MS4A7: variants seen among roughly 807,000 people sequenced by gnomAD.
MS4A7 encodes the protein membrane-spanning 4-domains subfamily A member 7.
In MS4A7, 21 loss-of-function variants were observed where a neutral mutation model predicts 23.5. That is an observed-to-expected ratio of 0.89 (90% CI 0.63 to 1.29). The LOEUF is 1.29. Among genes scored for constraint, MS4A7 ranks in the 50% most tolerant of loss-of-function variants. MS4A7 has a pLI of 0.00. For synonymous variants in MS4A7, 111 were observed against 107.4 expected (o/e 1.03, Z -0.21); for missense variants, 263 against 274.2 (o/e 0.96, Z 0.29).
rs1428852513 is a variant in MS4A7 at position 60,395,885 on chromosome 11, A to C, written c.*2024A>C. On this transcript the variant is annotated 3_prime_UTR_variant, in exon 7 of 7. Transcript: ENST00000300184. The stretch of plus-strand genomic sequence containing the variant: ...ATATGTATATCAAAACATGTAGTAC[A>C]CCCTAAATATATATAATTTTTATTT... The C allele has an allele frequency of 1.3e-5, 2 of 152,188 alleles. No homozygotes were observed. Among genetic ancestry groups the C allele is most frequent in the Admixed American group, 6.5e-5 (1 of 15,276 alleles). The allele number at this position is 152,188 out of a possible 1,614,324, so 9.4% of individuals were successfully genotyped here. A position where few individuals can be genotyped will look rare whatever the true frequency, so the allele number is the denominator to read the frequency against.
At chr11:60,387,398 T>A (rs1339462337) in intron 4 of MS4A7, among the ~76,000 whole-genome samples, 1 of 152,216 alleles carries the variant, frequency 6.6e-6, no homozygotes, top group Non-Finnish European at 1.5e-5. Context: ...TTTTCAAAGT[T>A]CTACTATTTA....
At chr11:60,392,346 C>T (rs986530362) in intron 5 of MS4A7, among the ~76,000 whole-genome samples, 16 of 151,832 alleles carry the variant, frequency 1.1e-4, no homozygotes, top group Non-Finnish European at 2.9e-5. Context: ...TGCATTGAGA[C>T]CACTGCAGGA....
chr11:60,381,239 G>T (rs1363451198), intron 1 of MS4A7, among the ~76,000 whole-genome samples: 1 of 152,146 alleles, frequency 6.6e-6, no homozygotes, highest in Admixed American at 6.5e-5. Flanking sequence ...TGACTCCACT[G>T]CAGGGATTCA....
intron 5 of MS4A7, among the ~76,000 whole-genome samples, chr11:60,391,320 G>A (rs980972487): frequency 3.9e-5 from 6 of 152,066 alleles, no homozygotes; most frequent in African/African-American, 7.2e-5. Context: ...AAACTGTTAC[G>A]AGATATGTGA....
In MS4A7 at chr11:60,393,972, A is replaced by C; in HGVS notation, c.*111A>C. ...AGATACTGTGAAACAAACTAAAAAA[A>C]AAAAAGCTTTTGTTTTGTATTTGTT... On this transcript the variant is annotated 3_prime_UTR_variant, in exon 7 of 7. Transcript: ENST00000300184. The C allele has an allele frequency of 1.7e-6, 1 of 593,870 alleles. No homozygotes were observed. The highest frequency in any genetic ancestry group is 3.1e-5 in the East Asian group (1 of 32,282). 36.8% of individuals were successfully genotyped at this position (593,870 alleles called of 1,614,324 possible). A position where few individuals can be genotyped will look rare whatever the true frequency, so the allele number is the denominator to read the frequency against.
At chr11:60,385,000 A>T (rs369069165) in intron 2 of MS4A7, 88 bp from the exon 3 acceptor site, 1 of 1,225,872 alleles carries the variant, frequency 8.2e-7, no homozygotes, top group Non-Finnish European at 1.2e-6. Flanking sequence ...AATGTATTTT[A>T]TACTCTTTAT....
rs924356654 is a variant in MS4A7, at chr11:60,394,812, A to T, written c.*951A>T. On this transcript the variant is annotated 3_prime_UTR_variant, in exon 7 of 7. Transcript: ENST00000300184. The stretch of plus-strand genomic sequence containing the variant: ...AACAAAACTCCATCTCAAAATAAAT[A>T]AAAAAATAAATAAAAATAAAAATAG... 4 of 345,800 alleles carry T rather than the reference A, an allele frequency of 1.2e-5. No individual in the cohort carries two copies. Among genetic ancestry groups the T allele is most frequent in the East Asian group, 4.4e-5 (1 of 22,730 alleles). The allele number at this position is 345,800 out of a possible 1,614,324, so 21.4% of individuals were successfully genotyped here. A position where few individuals can be genotyped will look rare whatever the true frequency, so the allele number is the denominator to read the frequency against.
chr11:60,386,940 G>A (rs756921843), intron 4 of MS4A7, among the ~76,000 whole-genome samples, 167 bp downstream of exon 4: 10 of 152,218 alleles, frequency 6.6e-5, no homozygotes, highest in Non-Finnish European at 1.2e-4. Flanking sequence ...CAAGAGTAGA[G>A]CCCAAATTTC....
At chr11:60,391,291 A>G (rs973637884) in intron 5 of MS4A7, among the ~76,000 whole-genome samples, 1 of 152,216 alleles carries the variant, frequency 6.6e-6, no homozygotes, top group African/African-American at 2.4e-5. Flanking sequence ...GGGGACCTCA[A>G]ATAAAAGCAT....
At position 60,389,606 on chromosome 11, in the gene MS4A7, T is replaced by C. The variant is rs1373069985; in HGVS notation, c.546+10T>C. On this transcript the variant is annotated intron_variant, in intron 5 of 6. Transcript: ENST00000300184. Reference sequence around the variant, plus strand: ...CAGTGTCAGTTTAACAGTGAGTAGTTTCAGACTGAATATCCTGTCATGTGA... The same window carrying C: ...CAGTGTCAGTTTAACAGTGAGTAGTCTCAGACTGAATATCCTGTCATGTGA... 1 of 1,606,984 alleles carries C rather than the reference T, an allele frequency of 6.2e-7. No individual in the cohort carries two copies. Among genetic ancestry groups the C allele is most frequent in the Non-Finnish European group, 8.5e-7 (1 of 1,174,410 alleles).
intron 2 of MS4A7, 41 bp from the exon 3 acceptor site, chr11:60,385,047 G>C: frequency 6.3e-7 from 1 of 1,586,450 alleles, no homozygotes; most frequent in South Asian, 1.1e-5. Context: ...ACTTTTATCT[G>C]TTTGAAGTGC....
chr11:60,393,142 T>C (rs367569620), intron 6 of MS4A7, among the ~76,000 whole-genome samples: 4 of 152,054 alleles, frequency 2.6e-5, no homozygotes, highest in African/African-American at 2.4e-5. Flanking sequence ...AGAGTTTGTA[T>C]AAATGGGCTC....
At chr11:60,390,546 C>A (rs1216824472) in intron 5 of MS4A7, among the ~76,000 whole-genome samples, 2 of 152,132 alleles carry the variant, frequency 1.3e-5, no homozygotes, top group Admixed American at 1.3e-4. Context: ...TCAAAAGCAA[C>A]CCCTTTGGTT....
At chr11:60,392,149 A>C (rs1335257470) in intron 5 of MS4A7, among the ~76,000 whole-genome samples, 1 of 152,110 alleles carries the variant, frequency 6.6e-6, no homozygotes, top group Non-Finnish European at 1.5e-5. Flanking sequence ...AACACAACAC[A>C]TTATGTGTGT....
chr11:60,387,552 GA>G (rs1015935909), intron 4 of MS4A7, among the ~76,000 whole-genome samples: 2 of 151,834 alleles, frequency 1.3e-5, no homozygotes, highest in Non-Finnish European at 1.5e-5. Context: ...GGATGTTTGA[GA>G]AAAAAAATCA....
chr11:60,383,707 T>A (rs1038998443), intron 2 of MS4A7: 4 of 152,600 alleles, frequency 2.6e-5, no homozygotes, highest in Non-Finnish European at 5.8e-5. Flanking sequence ...GCCCGGCTAA[T>A]TTTTGTATTC....
rs540071223 is a variant in MS4A7 at position 60,382,433 on chromosome 11, C to A, written c.-13-696C>A. On this transcript the variant is annotated intron_variant, in intron 1 of 6. Coordinates refer to ENST00000300184, the MANE Select transcript of MS4A7 (RefSeq NM_021201.5). ...TTTCATTCAATAAAAGTCACTTGAGCTTATTAGCCCCAGGTTTCTAATGTA... is the reference window on the plus strand; with the variant it reads ...TTTCATTCAATAAAAGTCACTTGAGATTATTAGCCCCAGGTTTCTAATGTA... 2.0e-5 allele frequency among the ~76,000 whole-genome samples: 3 copies of A among 152,312 alleles called. No homozygotes were observed. The East Asian group carries it at 5.8e-4, about 29-fold the overall frequency.
chr11:60,388,985 A>T (rs1017296154), intron 4 of MS4A7: 1 of 161,944 alleles, frequency 6.2e-6, no homozygotes, highest in African/African-American at 2.4e-5. Flanking sequence ...AATCAAAGTC[A>T]TGGATTCAGT....
At chr11:60,384,408 C>T (rs1444171523) in intron 2 of MS4A7, among the ~76,000 whole-genome samples, 2 of 152,228 alleles carry the variant, frequency 1.3e-5, no homozygotes, top group Non-Finnish European at 2.9e-5. Context: ...AGACATAGTA[C>T]ACATATAAGC....
Sources: gnomAD v4.1 joint callset for allele counts (sites outside exome capture counted in the v4.1 genomes callset) on GRCh38, gnomAD v4.1.1 for gene constraint, MANE v1.5 for transcripts, NCBI Gene and HGNC (gene_info 2026-07-23, HGNC 2026-07-21) for gene names.